GRIN2B: variants seen among roughly 807,000 people sequenced by gnomAD.
GRIN2B encodes the protein glutamate receptor ionotropic, NMDA 2B.
A neutral mutation model predicts 114.5 loss-of-function variants in GRIN2B; 5 were observed. The ratio of observed to expected loss-of-function variants is 0.04; its 90% CI spans 0.02 to 0.09. The LOEUF (loss-of-function observed/expected upper bound fraction) is 0.09. Among genes scored for constraint, GRIN2B ranks in the 10% least tolerant of loss-of-function variants. The pLI is 1.00. For missense variants in GRIN2B, 1,108 were observed against 1,943.5 expected, an observed-to-expected ratio of 0.57 and a Z score of 8.08; for synonymous variants, 787 against 745.1, an observed-to-expected ratio of 1.06 and a Z score of -0.92.
At chr12:13,822,996 A>G (rs1429842409) in intron 3 of GRIN2B, among the ~76,000 whole-genome samples, 1 of 152,114 alleles carries the variant, frequency 6.6e-6, no homozygotes. Flanking sequence ...AATTGAATGC[A>G]TAAGTATAGG....
intron 3 of GRIN2B, among the ~76,000 whole-genome samples, chr12:13,810,605 G>A (rs1388202731): frequency 6.6e-6 from 1 of 152,044 alleles, no homozygotes; most frequent in African/African-American, 2.4e-5. Context: ...CTTCGTACAG[G>A]GCCCTGAGAA....
intron 4 of GRIN2B, among the ~76,000 whole-genome samples, chr12:13,686,603 A>G (rs910625687): frequency 6.6e-6 from 1 of 152,170 alleles, no homozygotes; most frequent in Admixed American, 6.6e-5. Context: ...TTCAACCCCT[A>G]TGAAAAAGTA....
chr12:13,969,123 C>G (rs559522107), intron 2 of GRIN2B, among the ~76,000 whole-genome samples: 89 of 152,304 alleles, frequency 5.8e-4, no homozygotes, highest in African/African-American at 2.1e-3. Context: ...AGTTTCTCAT[C>G]CTTCATCCTC....
chr12:13,824,101 T>C (rs1168534748), intron 3 of GRIN2B, among the ~76,000 whole-genome samples: 2 of 152,162 alleles, frequency 1.3e-5, no homozygotes, highest in East Asian at 1.9e-4. Flanking sequence ...AGTTTTCTTA[T>C]AGTATCTTGT....
chr12:13,559,752 T>G lies in GRIN2B; in HGVS notation c.*3031A>C, dbSNP rs1359437245. 1.3e-5 allele frequency: 2 copies of G among 152,248 alleles called. No individual in the cohort carries two copies. Among genetic ancestry groups the G allele is most frequent in the Non-Finnish European group, 2.9e-5 (2 of 68,070 alleles). The allele number at this position is 152,248 out of a possible 1,614,324, so 9.4% of individuals were successfully genotyped here. On this transcript the variant is annotated 3_prime_UTR_variant, in exon 14 of 14. Transcript: ENST00000609686. ...TAGTGGAGATTTTTCCACGTGTGTT[T>G]GCCAGGCTGACTTCTGAGGGTGGAG...
Position 13,783,490 on chromosome 12 carries a change from C to T in GRIN2B, c.412-29575G>A, listed in dbSNP as rs146311358. On this transcript the variant is annotated intron_variant, in intron 3 of 13. Transcript: ENST00000609686. ...CACAGATAGGCAGCAGGGTGAAATGCCACCTTTGTTCCAAGCAATAGGCAG... is the reference window on the plus strand; with the variant it reads ...CACAGATAGGCAGCAGGGTGAAATGTCACCTTTGTTCCAAGCAATAGGCAG... Among the ~76,000 whole-genome samples, 384 of 137,366 alleles carry T rather than the reference C, an allele frequency of 2.8e-3. 4 individuals carry two copies. The highest frequency in any genetic ancestry group is 0.01 in the African/African-American group (374 of 36,596). 90.1% of individuals were successfully genotyped at this position (137,366 alleles called of 152,430 possible).
At chr12:13,777,690 C>T (rs1864029605) in intron 3 of GRIN2B, among the ~76,000 whole-genome samples, 1 of 152,148 alleles carries the variant, frequency 6.6e-6, no homozygotes, top group African/African-American at 2.4e-5. Flanking sequence ...GATTCCTTAG[C>T]CTTTCTCCTT....
chr12:13,656,828 C>T (rs1041116333), intron 5 of GRIN2B, among the ~76,000 whole-genome samples: 2 of 152,150 alleles, frequency 1.3e-5, no homozygotes, highest in Non-Finnish European at 2.9e-5. Flanking sequence ...ATTGTTTGAA[C>T]TAGATGGACC....
intron 8 of GRIN2B, among the ~76,000 whole-genome samples, chr12:13,614,666 C>T (rs145375225): frequency 4.1e-4 from 63 of 152,180 alleles, no homozygotes; most frequent in Middle Eastern, 3.4e-3. Flanking sequence ...TAGCTCTGAG[C>T]GCAATTCTTG....
intron 4 of GRIN2B, among the ~76,000 whole-genome samples, chr12:13,696,379 G>C (rs1207232092): frequency 6.6e-6 from 1 of 152,110 alleles, no homozygotes; most frequent in East Asian, 1.9e-4. Flanking sequence ...TTCTTGTTCA[G>C]CCTTCTCAAA....
chr12:13,712,047 C>T (rs1432279486), intron 4 of GRIN2B, among the ~76,000 whole-genome samples: 1 of 152,062 alleles, frequency 6.6e-6, no homozygotes, highest in Non-Finnish European at 1.5e-5. Flanking sequence ...ACTATGCAGC[C>T]ATAAAAAATG....
chr12:13,714,753 T>C (rs1281039406), intron 4 of GRIN2B, among the ~76,000 whole-genome samples: 1 of 151,948 alleles, frequency 6.6e-6, no homozygotes, highest in African/African-American at 2.4e-5. Flanking sequence ...TTATTGTTTG[T>C]GCAAGTTTAA....
chr12:13,821,623 T>C (rs960010956), intron 3 of GRIN2B, among the ~76,000 whole-genome samples: 7 of 152,212 alleles, frequency 4.6e-5, no homozygotes, highest in African/African-American at 1.7e-4. Context: ...TATTTCACCA[T>C]TTGTCTGGGA....
At chr12:13,916,426 C>T (rs557469053) in intron 2 of GRIN2B, among the ~76,000 whole-genome samples, 2 of 152,226 alleles carry the variant, frequency 1.3e-5, no homozygotes, top group Admixed American at 6.5e-5. Context: ...TCATGATCTT[C>T]ATTCCATAAC....
chr12:13,895,755 A>T (rs1866342114), intron 2 of GRIN2B, among the ~76,000 whole-genome samples: 1 of 152,192 alleles, frequency 6.6e-6, no homozygotes, highest in Non-Finnish European at 1.5e-5. Context: ...TAAGCTTATT[A>T]TCTAGGACTT....
rs1470976658 is a variant in GRIN2B at position 13,557,449 on chromosome 12, A to G, written c.*5334T>C. On this transcript the variant is annotated 3_prime_UTR_variant, in exon 14 of 14. Transcript: ENST00000609686. ...ACTGGGACAGAAACCAGACAATGAC[A>G]GTAAATTTTATTGTATCACTAATTC... 1 of 152,242 alleles carries G rather than the reference A, an allele frequency of 6.6e-6. No individual in the cohort carries two copies. The highest frequency in any genetic ancestry group is 6.5e-5 in the Admixed American group (1 of 15,278). The allele number at this position is 152,242 out of a possible 1,614,324, so 9.4% of individuals were successfully genotyped here.
Position 13,563,504 on chromosome 12 carries a change from C to T in GRIN2B, c.3734G>A (p.Cys1245Tyr). ...GTCATACAGGTTGCCTGCTTTCTTG[C>T]AAGCCTCACACCGGATGCACGCCTG... Reference protein sequence around the residue: ...GRQACIRCEACKKAGNLYDIS... With the variant: ...GRQACIRCEAYKKAGNLYDIS... The change falls in exon 14 of 14, where the codon TGC (cysteine) becomes TAC (tyrosine). Residue 1245 changes from cysteine (C) to tyrosine (Y), a missense_variant. By Grantham distance (194) the Cys-to-Tyr change is radical (BLOSUM62 -2). Coordinates refer to ENST00000609686, the MANE Select transcript of GRIN2B (RefSeq NM_000834.5). The T allele has an allele frequency of 1.9e-6, 3 of 1,614,144 alleles. No homozygotes were observed. Among genetic ancestry groups the T allele is most frequent in the Non-Finnish European group, 1.7e-6 (2 of 1,180,038 alleles).
chr12:13,952,750 A>G (rs1867512181), intron 2 of GRIN2B, among the ~76,000 whole-genome samples: 1 of 151,986 alleles, frequency 6.6e-6, no homozygotes, highest in Non-Finnish European at 1.5e-5. Flanking sequence ...ACTTCTATTT[A>G]TATTTATTTT....
chr12:13,975,889 G>T (rs897455175), intron 2 of GRIN2B, among the ~76,000 whole-genome samples: 1 of 152,214 alleles, frequency 6.6e-6, no homozygotes, highest in African/African-American at 2.4e-5. Flanking sequence ...TTTCACCAAG[G>T]GGACAAGGTA....
Sources: gnomAD v4.1 joint callset for allele counts (sites outside exome capture counted in the v4.1 genomes callset) on GRCh38, gnomAD v4.1.1 for gene constraint, MANE v1.5 for transcripts, NCBI Gene and HGNC (gene_info 2026-07-23, HGNC 2026-07-21) for gene names.